The following RPS24 variants were observed in gnomAD, a reference collection of about 807,000 sequenced individuals.
RPS24 encodes small ribosomal subunit protein eS24.
For synonymous variants in RPS24, 72 were observed against 55.6 expected (o/e 1.30, Z -1.31); for missense variants, 100 against 162.5 (o/e 0.62, Z 2.09).
chr10:78,055,155 C>A, exon 5 of RPS24: 1 of 1,294,664 alleles, frequency 7.7e-7, no homozygotes, highest in Non-Finnish European at 9.9e-7. Context: ...GGCTCCACAT[C>A]TCTCTCACCC....
At chr10:78,037,925 TGCTTTTCCTCTCTAC>T in intron 4 of RPS24, 1 of 841,010 alleles carries the variant, frequency 1.2e-6, no homozygotes, top group Non-Finnish European at 1.6e-6. Flanking sequence ...TTTTTTTTTT[TGCTTTTCCTCTCTAC>T]TTTCTTGGAT....
rs74317593 is a variant in RPS24 at position 78,036,894 on chromosome 10, T to C, written c.280-300T>C. Among the ~76,000 whole-genome samples the C allele has an allele frequency of 7.9e-5, 12 of 152,192 alleles. No individual in the cohort carries two copies. In the East Asian group the frequency reaches 2.3e-3, roughly 29 times the overall value. ...CTTCGGAGGTGCCTTGTTTTGGTAGTGCAAAAGAAGAAAAAATAGTGATCT... is the reference window on the plus strand; with the variant it reads ...CTTCGGAGGTGCCTTGTTTTGGTAGCGCAAAAGAAGAAAAAATAGTGATCT... On this transcript the variant is annotated intron_variant, in intron 3 of 5. Coordinates refer to ENST00000372360, the MANE Select transcript of RPS24 (RefSeq NM_033022.4).
chr10:78,043,372 G>A (rs954597149), downstream of RPS24, among the ~76,000 whole-genome samples: 2 of 152,188 alleles, frequency 1.3e-5, no homozygotes, highest in African/African-American at 2.4e-5. Context: ...GAGCAGTTAA[G>A]CATCTTACCA....
chr10:78,038,055 T>C, intron 4 of RPS24: 2 of 979,372 alleles, frequency 2.0e-6, no homozygotes, highest in Non-Finnish European at 2.8e-6. Flanking sequence ...CTTTGCATGT[T>C]GGCCTTTGGA....
At chr10:78,047,884 C>T (rs916814937) in intron 4 of RPS24, among the ~76,000 whole-genome samples, 4 of 152,186 alleles carry the variant, frequency 2.6e-5, no homozygotes, top group Non-Finnish European at 5.9e-5. Context: ...AGCATGGGTC[C>T]GGGGCCACAG....
chr10:78,054,963 T>G, exon 5 of RPS24: 1 of 1,485,814 alleles, frequency 6.7e-7, no homozygotes, highest in South Asian at 1.4e-5. Context: ...CCACCAGGAA[T>G]CCAGCTGCTT....
At chr10:78,034,088 T>C (rs535508393) in intron 1 of RPS24, 184 bp downstream of exon 1, 18 of 726,488 alleles carry the variant, frequency 2.5e-5, no homozygotes, top group Non-Finnish European at 4.1e-5. Context: ...CGGGCTGCGC[T>C]GTAGACCCGG....
At chr10:78,044,211 G>A (rs562290814), downstream of RPS24, among the ~76,000 whole-genome samples, 2 of 152,230 alleles carry the variant, frequency 1.3e-5, no homozygotes, top group East Asian at 3.9e-4. Context: ...CACCAGCAGT[G>A]GCAAGAGACA....
chr10:78,053,181 AACAAC>A lies in RPS24; in HGVS notation c.391-1348_391-1344del, dbSNP rs1315275665. On this transcript the variant is annotated intron_variant, in intron 4 of 4. Transcript: ENST00000440692. Reference sequence around the variant, plus strand: ...AAAAACAAACAAAAACAACAACAACAACAACAAAAAAAAAAAAAGAAAAGAAAAAA... The same window carrying A: ...AAAAACAAACAAAAACAACAACAACAAAAAAAAAAAAAAGAAAAGAAAAAA... Among the ~76,000 whole-genome samples the A allele has an allele frequency of 4.1e-5, 4 of 97,538 alleles. No homozygotes were observed. The Admixed American group carries it at 4.7e-4, about 11-fold the overall frequency. The allele number at this position is 97,538 out of a possible 152,430, so 64.0% of individuals were successfully genotyped here.
chr10:78,046,841 G>T (rs894052029), intron 4 of RPS24, among the ~76,000 whole-genome samples: 8 of 152,344 alleles, frequency 5.3e-5, no homozygotes, highest in African/African-American at 1.9e-4. Context: ...ATGGGTGGAG[G>T]TGATTAGCTG....
chr10:78,037,859 G>A (rs559024677), intron 4 of RPS24: 2 of 712,582 alleles, frequency 2.8e-6, no homozygotes, highest in East Asian at 6.5e-5. Flanking sequence ...TAGAATTAAG[G>A]TGTTGGGTTG....
At chr10:78,049,583 A>G (rs1341454075) in intron 4 of RPS24, among the ~76,000 whole-genome samples, 4 of 152,194 alleles carry the variant, frequency 2.6e-5, no homozygotes, top group African/African-American at 7.2e-5. Context: ...TTTGCTGCCA[A>G]TGCTGGTGCC....
intron 4 of RPS24, chr10:78,038,559 T>C (rs1847926268): frequency 6.7e-6 from 1 of 150,098 alleles, no homozygotes. Context: ...TTTTTTAAAA[T>C]AGAAAATTTT....
chr10:78,037,092 G>C, intron 3 of RPS24, 102 bp from the exon 4 acceptor site: 1 of 1,433,702 alleles, frequency 7.0e-7, no homozygotes, highest in Middle Eastern at 2.5e-4. Flanking sequence ...GGTTTAGAAA[G>C]CTGTGTTTCT....
chr10:78,040,759 G>A, downstream of RPS24: 1 of 1,185,900 alleles, frequency 8.4e-7, no homozygotes, highest in Non-Finnish European at 1.2e-6. Flanking sequence ...TTAGTCTGCT[G>A]ATTTCAGTTG....
At chr10:78,041,684 G>T (rs1257921610), downstream of RPS24, among the ~76,000 whole-genome samples, 1 of 152,176 alleles carries the variant, frequency 6.6e-6, no homozygotes, top group African/African-American at 2.4e-5. Context: ...TGAGCAGCTT[G>T]CAGAGGCAAG....
At chr10:78,050,787 CTTTTTTTTTA>C (rs1848091517) in intron 4 of RPS24, among the ~76,000 whole-genome samples, 1 of 151,118 alleles carries the variant, frequency 6.6e-6, no homozygotes, top group African/African-American at 2.4e-5. Flanking sequence ...CTTTTTTTTT[CTTTTTTTTTA>C]GTTTTTGTAG....
chr10:78,035,564 G>A lies in RPS24; in HGVS notation c.123G>A (p.Arg41=). The stretch of plus-strand genomic sequence containing the variant: ...CGACAGTGCCTAAGACAGAAATTCG[G>A]GAAAAACTAGCCAAAATGTACAAGA... ...GKATVPKTEI[R]EKLAKMYKTT... Residue 41 remains arginine, a synonymous_variant, in exon 3 of 6, where the codon CGG becomes CGA. Transcript: ENST00000372360. The A allele has an allele frequency of 6.2e-7, 1 of 1,614,056 alleles. No individual in the cohort carries two copies. Among genetic ancestry groups the A allele is most frequent in the Non-Finnish European group, 8.5e-7 (1 of 1,180,026 alleles).
rs537930998 is a variant in RPS24, at chr10:78,055,138, C to T, written c.*128C>T. ...ATGAGCTGGCACCTCTGTTCAGAAC[C>T]CTCCAGGGCTCCACATCTCTCTCAC... On this transcript the variant is annotated 3_prime_UTR_variant, in exon 5 of 5. Transcript: ENST00000440692. 398 of 1,367,988 alleles carry T rather than the reference C, an allele frequency of 2.9e-4. 2 individuals carry two copies. The highest frequency in any genetic ancestry group is 2.1e-4 in the East Asian group (8 of 38,886). 84.7% of individuals were successfully genotyped at this position (1,367,988 alleles called of 1,614,324 possible).
Sources: gnomAD v4.1 joint callset for allele counts (sites outside exome capture counted in the v4.1 genomes callset) on GRCh38, gnomAD v4.1.1 for gene constraint, MANE v1.5 for transcripts, NCBI Gene and HGNC (gene_info 2026-07-23, HGNC 2026-07-21) for gene names.